Variants in KNDC1 observed in about 807,000 individuals in gnomAD.
The protein encoded by KNDC1 is kinase non-catalytic C-lobe domain containing 1.
In KNDC1, 106 loss-of-function variants were observed where a neutral mutation model predicts 172.8. The observed-to-expected ratio is 0.61, with a 90% CI of 0.52 to 0.72. KNDC1 has a LOEUF of 0.72. KNDC1 is among the 30% of genes least tolerant of loss of function. The pLI is 0.00. For synonymous variants in KNDC1, 1,083 were observed against 1,062.2 expected, an observed-to-expected ratio of 1.02 and a Z score of -0.38; for missense variants, 2,325 against 2,394.5, an observed-to-expected ratio of 0.97 and a Z score of 0.61.
chr10:133,210,063 A>G (rs1353658914), intron 20 of KNDC1, among the ~76,000 whole-genome samples: 5 of 152,086 alleles, frequency 3.3e-5, no homozygotes, highest in African/African-American at 9.7e-5. Context: ...AGACGTCACA[A>G]AGCCCTGCAT....
rs777857693 is a variant in KNDC1, at chr10:133,207,224, T to C, written c.3667T>C (p.Phe1223Leu). 6.2e-7 allele frequency: 1 copy of C among 1,612,730 alleles called. No homozygotes were observed. The highest frequency in any genetic ancestry group is 1.1e-5 in the South Asian group (1 of 91,082). The change falls in exon 20 of 30, where the codon TTC becomes CTC. Residue 1223 changes from phenylalanine (F) to leucine (L), a missense_variant. Phe to Leu is a conservative substitution (Grantham distance 22). Transcript: ENST00000304613. ...GGCCGCACCCTGCGACACGCTGGAC[T>C]TCAGCCCCCTGGACGAGTCCTCCTC... Reference protein sequence around the residue: ...IAAAPCDTLDFSPLDESSSLI... With the variant: ...IAAAPCDTLDLSPLDESSSLI...
intron 1 of KNDC1, among the ~76,000 whole-genome samples, chr10:133,161,812 G>A (rs1306811965): frequency 1.3e-5 from 2 of 152,192 alleles, no homozygotes; most frequent in African/African-American, 2.4e-5. Flanking sequence ...AGGCGGCCCT[G>A]AGGACGCAGC....
intron 26 of KNDC1, 24 bp from the exon 27 acceptor site, chr10:133,218,807 G>C: frequency 1.2e-6 from 2 of 1,606,498 alleles, no homozygotes; most frequent in Non-Finnish European, 1.7e-6. Context: ...AGAAGACGCT[G>C]AATGTGTCAT....
chr10:133,214,881 C>A (rs549814334), intron 26 of KNDC1, among the ~76,000 whole-genome samples: 9 of 152,346 alleles, frequency 5.9e-5, no homozygotes, highest in South Asian at 2.1e-4. Context: ...CCAGCTCATC[C>A]TTCACGGGGC....
Position 133,198,584 on chromosome 10 carries a change from G to T in KNDC1, c.2076G>T (p.Gln692His). ...LAQNASVARD[Q>H]PALAQEESEE... ...AGCTCTGCTCCTCCCGTAGGGACCA[G>T]CCTGCCTTGGCCCAGGAGGAGTCCG... Residue 692 changes from glutamine (Q) to histidine (H), a missense_variant, in exon 14 of 30, where the codon CAG becomes CAT. Transcript: ENST00000304613. The T allele has an allele frequency of 6.3e-7, 1 of 1,589,014 alleles. No individual in the cohort carries two copies.
chr10:133,190,471 G>C (rs1221553983), intron 9 of KNDC1, among the ~76,000 whole-genome samples: 2 of 152,226 alleles, frequency 1.3e-5, no homozygotes, highest in Admixed American at 6.5e-5. Flanking sequence ...CCACCTGCAG[G>C]GGGAGGAGAC....
rs769691426 is a variant in KNDC1, at chr10:133,209,073, G to A, written c.3795-1538G>A. Among the ~76,000 whole-genome samples the A allele has an allele frequency of 3.3e-5, 5 of 151,700 alleles. No homozygotes were observed. Among genetic ancestry groups the A allele is most frequent in the Non-Finnish European group, 7.4e-5 (5 of 67,930 alleles). ...TATAGTGTGATGTGTGTGCATGTGTGGGGTGATGTGTGGCTTGCGTGCCCA... is the reference window on the plus strand; with the variant it reads ...TATAGTGTGATGTGTGTGCATGTGTAGGGTGATGTGTGGCTTGCGTGCCCA... On this transcript the variant is annotated intron_variant, in intron 20 of 29. Coordinates refer to ENST00000304613, the MANE Select transcript of KNDC1 (RefSeq NM_152643.8). This position sits in a 1 kb window ranked among gnomAD's most constrained non-coding sequence, Gnocchi z 4.9.
At chr10:133,188,395 C>T in intron 6 of KNDC1, 144 bp from the exon 7 acceptor site, 1 of 605,708 alleles carries the variant, frequency 1.7e-6, no homozygotes, top group Admixed American at 2.8e-5. Flanking sequence ...TTAGGGACCT[C>T]CCTAGCCCTT....
rs375097297 is a variant in KNDC1 at position 133,199,387 on chromosome 10, A to G, written c.2759-71A>G. 2.6e-5 allele frequency: 41 copies of G among 1,582,236 alleles called. 1 individual carries two copies. Among genetic ancestry groups the G allele is most frequent in the East Asian group, 2.2e-5 (1 of 44,648 alleles). On this transcript the variant is annotated intron_variant, in intron 14 of 29. Transcript: ENST00000304613. ...AGCCGAGATCAGCCTTGTCCGTTTC[A>G]TCAGCCACAAGGGAACCAGATGAGC...
chr10:133,210,382 A>G (rs1203288156), intron 20 of KNDC1, among the ~76,000 whole-genome samples: 1 of 142,700 alleles, frequency 7.0e-6, no homozygotes. Flanking sequence ...AAAAAAAAAA[A>G]AAAAAAAGGC....
chr10:133,178,328 G>A (rs1417934072), intron 3 of KNDC1, among the ~76,000 whole-genome samples: 1 of 152,214 alleles, frequency 6.6e-6, no homozygotes. Flanking sequence ...AAGGCTTTCA[G>A]TGGATAGTGC....
chr10:133,169,304 A>G (rs1853294572), intron 3 of KNDC1, among the ~76,000 whole-genome samples: 1 of 152,166 alleles, frequency 6.6e-6, no homozygotes. Flanking sequence ...TACTAAAAAT[A>G]CAAAAGTTAG....
chr10:133,186,711 G>A (rs549726304), intron 6 of KNDC1, 37 bp downstream of exon 6: 22 of 1,478,174 alleles, frequency 1.5e-5, no homozygotes, highest in South Asian at 3.9e-5. Flanking sequence ...TGGAGGGGTC[G>A]GCGGTCAGTG....
chr10:133,220,096 A>G lies in KNDC1; in HGVS notation c.5002A>G (p.Arg1668Gly). 1 of 1,565,412 alleles carries G rather than the reference A, an allele frequency of 6.4e-7. No homozygotes were observed. The highest frequency in any genetic ancestry group is 1.9e-5 in the Admixed American group (1 of 52,966). ...GGFTMTNGAH[R>G]WSKLRNIAKV... ...CTTCACCATGACCAACGGGGCCCAC[A>G]GGTGGAGCAAGCTCAGGTGAGGAGG... Residue 1668 changes from arginine to glycine, a missense_variant, in exon 29 of 30, where the codon AGG (arginine) becomes GGG (glycine). By Grantham distance (125) the Arg-to-Gly change is moderately radical. Coordinates refer to ENST00000304613, the MANE Select transcript of KNDC1 (RefSeq NM_152643.8).
In KNDC1 at chr10:133,213,698, C is replaced by T. The variant is rs754749855; in HGVS notation, c.4497C>T (p.Gly1499=). ...ACTTCCTGAACTCACGGGCCCTGGG[C>T]GTCATGGACAAGAGCACTGCCATCC... The part of the protein sequence containing the change: ...PVHFLNSRAL[G]VMDKSTAIPK... Residue 1499 remains glycine, a synonymous_variant, in exon 25 of 30, where the codon GGC becomes GGT. Transcript: ENST00000304613. 3.1e-6 allele frequency: 5 copies of T among 1,613,894 alleles called. No homozygotes were observed. The highest frequency in any genetic ancestry group is 2.7e-5 in the African/African-American group (2 of 74,908).
Position 133,216,538 on chromosome 10 carries a change from C to T in KNDC1, c.4678-2293C>T, listed in dbSNP as rs564589548. ...CTGAAAATATAAAAAATTGTCCAGG[C>T]TGGTGGCGCACACCTGGAGTCCCAG... On this transcript the variant is annotated intron_variant, in intron 26 of 29. Transcript: ENST00000304613. Among the ~76,000 whole-genome samples, 3 of 152,046 alleles carry T rather than the reference C, an allele frequency of 2.0e-5. No homozygotes were observed. In the East Asian group the frequency reaches 5.8e-4, roughly 30 times the overall value.
chr10:133,211,687 C>A lies in KNDC1; in HGVS notation c.4065C>A (p.Pro1355=), dbSNP rs764793758. 1 of 1,598,696 alleles carries A rather than the reference C, an allele frequency of 6.3e-7. No individual in the cohort carries two copies. Among genetic ancestry groups the A allele is most frequent in the Non-Finnish European group, 8.5e-7 (1 of 1,171,756 alleles). Reference sequence around the variant, plus strand: ...ACTGTGCTTCTGCCTAGATCCTACCCCTGGACGGCTCTGCCAAGCACCTGC... The same window carrying A: ...ACTGTGCTTCTGCCTAGATCCTACCACTGGACGGCTCTGCCAAGCACCTGC... The part of the protein sequence containing the change: ...LEDFISSKIL[P]LDGSAKHLLG... The change falls in exon 23 of 30, where the codon CCC becomes CCA. Residue 1355 remains proline (P), a synonymous_variant. Coordinates refer to ENST00000304613, the MANE Select transcript of KNDC1 (RefSeq NM_152643.8).
Position 133,197,658 on chromosome 10 carries a change from T to C in KNDC1, c.1813-17T>C. On this transcript the variant is annotated splice_polypyrimidine_tract_variant and intron_variant, in intron 11 of 29. Transcript: ENST00000304613. ...GCTCCGTGGTCACCTGGCCCAGGGCTGTCACCTCCTCCCCAGGTGTACCAG... is the reference window on the plus strand; with the variant it reads ...GCTCCGTGGTCACCTGGCCCAGGGCCGTCACCTCCTCCCCAGGTGTACCAG... 1 of 1,601,372 alleles carries C rather than the reference T, an allele frequency of 6.2e-7. No individual in the cohort carries two copies.
chr10:133,198,945 C>T lies in KNDC1; in HGVS notation c.2437C>T (p.Pro813Ser), dbSNP rs1299377281. 6.4e-7 allele frequency: 1 copy of T among 1,552,208 alleles called. No individual in the cohort carries two copies. Among genetic ancestry groups the T allele is most frequent in the Non-Finnish European group, 8.7e-7 (1 of 1,153,964 alleles). Residue 813 changes from proline (P) to serine (S), a missense_variant, in exon 14 of 30, where the codon CCC becomes TCC. By Grantham distance (74) the Pro-to-Ser change is moderately conservative. Transcript: ENST00000304613. ...TGGAGTTGCTTCCGGGGGCCTCAGG[C>T]CCGACGCCCTGGGGCCCACCACGGC... ...PPGVASGGLRPDALGPTTAHH... is the reference protein window; with the variant it reads ...PPGVASGGLRSDALGPTTAHH...
Sources: gnomAD v4.1 joint callset for allele counts (sites outside exome capture counted in the v4.1 genomes callset) on GRCh38, gnomAD v4.1.1 for gene constraint, Gnocchi (gnomAD v3.1) non-coding constraint, MANE v1.5 for transcripts, NCBI Gene and HGNC (gene_info 2026-07-23, HGNC 2026-07-21) for gene names.